RHOU: variants seen among roughly 807,000 people sequenced by gnomAD.
RHOU encodes the protein ras homolog family member U.
A neutral mutation model predicts 12.6 loss-of-function variants in RHOU; 8 were observed. The ratio of observed to expected loss-of-function variants is 0.64; its 90% CI spans 0.37 to 1.15. RHOU has a LOEUF of 1.15. RHOU is among the 50% of genes most tolerant of loss of function. RHOU has a pLI of 0.01. For synonymous variants in RHOU, 161 were observed against 147.4 expected, an observed-to-expected ratio of 1.09 and a Z score of -0.67; for missense variants, 258 against 347.0, an observed-to-expected ratio of 0.74 and a Z score of 2.04.
At chr1:228,728,929 T>C in the RHOU span, among the ~76,000 whole-genome samples, 3 of 151,074 alleles carry the variant, frequency 2.0e-5, no homozygotes, top group South Asian at 6.3e-4. Flanking sequence ...AGAGTCTCGC[T>C]CTGTCGCCCA....
the RHOU span, among the ~76,000 whole-genome samples, chr1:228,693,351 A>C: frequency 2.0e-5 from 3 of 152,186 alleles, no homozygotes; most frequent in African/African-American, 7.2e-5. Context: ...TTTATCTTTG[A>C]TCCTCAGATA....
chr1:228,707,128 A>ATATATG, the RHOU span, among the ~76,000 whole-genome samples: 8 of 67,580 alleles, frequency 1.2e-4, 1 homozygote, highest in East Asian at 1.3e-3. Flanking sequence ...ATATATATAC[A>ATATATG]TATATATATA....
the RHOU span, among the ~76,000 whole-genome samples, chr1:228,726,509 A>T: frequency 6.6e-6 from 1 of 152,148 alleles, no homozygotes; most frequent in Admixed American, 6.5e-5. Context: ...TACTAAAAAT[A>T]CAAAAATTAG....
the RHOU span, among the ~76,000 whole-genome samples, chr1:228,660,551 G>A: frequency 1.3e-5 from 2 of 151,778 alleles, no homozygotes; most frequent in Non-Finnish European, 2.9e-5. Context: ...CCCATATGAA[G>A]ATTGATGTAT....
At chr1:228,647,049 T>C in the RHOU span, among the ~76,000 whole-genome samples, 96 of 151,854 alleles carry the variant, frequency 6.3e-4, no homozygotes, top group Non-Finnish European at 1.1e-3. Flanking sequence ...AGGAGGGAGC[T>C]AGAGAGCGAG....
chr1:228,734,751 CAG>C (rs1482219908), upstream of RHOU, among the ~76,000 whole-genome samples: 2 of 152,052 alleles, frequency 1.3e-5, no homozygotes, highest in Non-Finnish European at 2.9e-5. Flanking sequence ...AGAAGGAAGG[CAG>C]AGAGAGAAAT....
the RHOU span, among the ~76,000 whole-genome samples, chr1:228,674,221 T>C: frequency 2.0e-5 from 3 of 152,216 alleles, no homozygotes; most frequent in Non-Finnish European, 2.9e-5. Context: ...TCTTATTAAG[T>C]CTTCCTTTGT....
chr1:228,681,125 T>A, the RHOU span, among the ~76,000 whole-genome samples: 32 of 152,266 alleles, frequency 2.1e-4, no homozygotes, highest in Admixed American at 1.4e-3. Flanking sequence ...TGGTGTCTGA[T>A]GAGAAAGAGC....
the RHOU span, among the ~76,000 whole-genome samples, chr1:228,680,671 A>C: frequency 6.6e-6 from 1 of 152,190 alleles, no homozygotes; most frequent in South Asian, 2.1e-4. Flanking sequence ...GGGTGATAAA[A>C]TGCATATTAA....
the RHOU span, among the ~76,000 whole-genome samples, chr1:228,683,850 G>A: frequency 6.6e-6 from 1 of 152,242 alleles, no homozygotes; most frequent in African/African-American, 2.4e-5. Context: ...AGATCCCCGT[G>A]TCTGGCTGCC....
the RHOU span, among the ~76,000 whole-genome samples, chr1:228,712,253 G>A: frequency 6.0e-5 from 9 of 150,326 alleles, no homozygotes; most frequent in South Asian, 6.4e-4. Flanking sequence ...TCAGTGTGGC[G>A]ATTCCTCAGG....
At chr1:228,682,212 G>C in the RHOU span, among the ~76,000 whole-genome samples, 3 of 152,192 alleles carry the variant, frequency 2.0e-5, no homozygotes, top group African/African-American at 7.2e-5. Flanking sequence ...CTGTTTACCC[G>C]ATTTGAAATT....
the RHOU span, among the ~76,000 whole-genome samples, chr1:228,667,662 A>G: frequency 1.3e-5 from 2 of 152,190 alleles, no homozygotes; most frequent in African/African-American, 4.8e-5. Context: ...CAATGACTAC[A>G]TTTGATGTTA....
chr1:228,693,626 C>G, the RHOU span, among the ~76,000 whole-genome samples: 2 of 152,134 alleles, frequency 1.3e-5, no homozygotes, highest in Non-Finnish European at 2.9e-5. Context: ...GCCACCACGG[C>G]CGGCTAATTT....
At chr1:228,724,483 G>T in the RHOU span, among the ~76,000 whole-genome samples, 1 of 151,866 alleles carries the variant, frequency 6.6e-6, no homozygotes, top group South Asian at 2.1e-4. Flanking sequence ...TTTCTTTTTG[G>T]TAAGAATTTT....
chr1:228,700,440 T>C, the RHOU span, among the ~76,000 whole-genome samples: 1 of 152,214 alleles, frequency 6.6e-6, no homozygotes, highest in Admixed American at 6.5e-5. Context: ...ATTCTAGTCA[T>C]GACAACTCTG....
chr1:228,687,589 T>C, the RHOU span: 1,211 of 1,562,204 alleles, frequency 7.8e-4, 12 homozygotes, highest in African/African-American at 0.014. Context: ...GAGTGTGCAT[T>C]ACATTTGGAA....
chr1:228,658,058 T>C, the RHOU span, among the ~76,000 whole-genome samples: 1 of 152,162 alleles, frequency 6.6e-6, no homozygotes, highest in East Asian at 1.9e-4. Context: ...GACTGGCAGA[T>C]TGTTTGAGCC....
At chr1:228,695,632 A>G in the RHOU span, among the ~76,000 whole-genome samples, 23 of 152,312 alleles carry the variant, frequency 1.5e-4, no homozygotes, top group African/African-American at 4.8e-4. Context: ...GGTTCATTAT[A>G]AAGAATATTA....
Sources: allele counts gnomAD v4.1 joint callset (sites outside exome capture counted in the v4.1 genomes callset), GRCh38; gene constraint gnomAD v4.1.1; transcripts MANE v1.5; gene names NCBI Gene and HGNC (gene_info 2026-07-23, HGNC 2026-07-21).